CUL1: variants seen among roughly 807,000 people sequenced by gnomAD.
CUL1 encodes cullin 1, also known as cullin-1.
In CUL1, 24 loss-of-function variants were observed where a neutral mutation model predicts 118.0. That is an observed-to-expected ratio of 0.20 (90% CI 0.15 to 0.29). The LOEUF (loss-of-function observed/expected upper bound fraction) is 0.29. Among genes scored for constraint, CUL1 ranks in the 10% least tolerant of loss-of-function variants. CUL1 has a pLI of 1.00. For synonymous variants in CUL1, 332 were observed against 340.4 expected (o/e 0.98, Z 0.27); for missense variants, 361 against 933.8 (o/e 0.39, Z 7.99).
intron 11 of CUL1, among the ~76,000 whole-genome samples, chr7:148,785,503 C>T (rs893213523): frequency 1.3e-5 from 2 of 150,882 alleles, no homozygotes; most frequent in East Asian, 1.9e-4. Flanking sequence ...GGACTACAGG[C>T]GTGCCACCAC....
At chr7:148,795,486 G>A (rs906948406) in intron 17 of CUL1, among the ~76,000 whole-genome samples, 5 of 151,938 alleles carry the variant, frequency 3.3e-5, no homozygotes, top group African/African-American at 4.8e-5. Flanking sequence ...ACTAAGTACC[G>A]CAGGGTGTGG....
chr7:148,778,017 C>G (rs1204920899), intron 9 of CUL1, among the ~76,000 whole-genome samples: 3 of 136,198 alleles, frequency 2.2e-5, no homozygotes, highest in Admixed American at 1.6e-4. Flanking sequence ...GAGCCGAGAT[C>G]ATGCCACTGC....
chr7:148,782,272 G>A (rs1377113558), intron 9 of CUL1, among the ~76,000 whole-genome samples: 3 of 152,190 alleles, frequency 2.0e-5, no homozygotes, highest in Non-Finnish European at 4.4e-5. Context: ...AAAGAAGCAA[G>A]CTTATATGAA....
At chr7:148,765,177 G>T (rs1443694435) in intron 7 of CUL1, among the ~76,000 whole-genome samples, 1 of 152,148 alleles carries the variant, frequency 6.6e-6, no homozygotes. Flanking sequence ...GTGTAATAAG[G>T]TTCTGACTTA....
chr7:148,699,328 T>G (rs946114341), intron 1 of CUL1, among the ~76,000 whole-genome samples: 1 of 150,850 alleles, frequency 6.6e-6, no homozygotes, highest in African/African-American at 2.4e-5. Context: ...TCATCGCGCC[T>G]GGAGGCGGCG....
intron 2 of CUL1, among the ~76,000 whole-genome samples, chr7:148,741,757 A>C (rs900545528): frequency 6.6e-6 from 1 of 150,830 alleles, no homozygotes; most frequent in Non-Finnish European, 1.5e-5. Flanking sequence ...TGTTTGTAGT[A>C]GAGACAGGGT....
intron 20 of CUL1, 88 bp from the exon 21 acceptor site, chr7:148,799,187 G>A (rs997452263): frequency 2.1e-5 from 20 of 956,088 alleles, no homozygotes; most frequent in African/African-American, 3.2e-5. Context: ...CATAGGCGTC[G>A]GCAGCCTCTG....
At chr7:148,740,517 T>G (rs572650456) in intron 2 of CUL1, among the ~76,000 whole-genome samples, 1 of 152,384 alleles carries the variant, frequency 6.6e-6, no homozygotes, top group African/African-American at 2.4e-5. Flanking sequence ...TAGTTGTCAC[T>G]TCCTTCTTAC....
intron 16 of CUL1, among the ~76,000 whole-genome samples, chr7:148,790,823 T>A (rs1584821185): frequency 6.6e-6 from 1 of 152,220 alleles, no homozygotes; most frequent in East Asian, 1.9e-4. Context: ...ATATCAGCTC[T>A]CCACCTTACA....
intron 2 of CUL1, among the ~76,000 whole-genome samples, chr7:148,730,517 G>T (rs1798726857): frequency 6.6e-6 from 1 of 152,100 alleles, no homozygotes; most frequent in Non-Finnish European, 1.5e-5. Flanking sequence ...AGTTCCTTAG[G>T]CACACTAGCT....
intron 1 of CUL1, among the ~76,000 whole-genome samples, chr7:148,711,942 C>A (rs781611999): frequency 3.9e-5 from 6 of 152,284 alleles, no homozygotes; most frequent in Non-Finnish European, 5.9e-5. Context: ...GTGGACCTCA[C>A]GTGCACACCT....
rs992851677 is a variant in CUL1, at chr7:148,787,387, G to A, written c.1479+267G>A. ...TGAGGCAGGAGAATGGCATGAACCCGGGAGGCAGAGGTTGCGGTGAGCCGA... is the reference window on the plus strand; with the variant it reads ...TGAGGCAGGAGAATGGCATGAACCCAGGAGGCAGAGGTTGCGGTGAGCCGA... On this transcript the variant is annotated intron_variant, in intron 13 of 21. Coordinates refer to ENST00000325222, the MANE Select transcript of CUL1 (RefSeq NM_003592.3). The surrounding 1 kb of genome is among the most constrained non-coding windows in gnomAD (Gnocchi z 5.5). Among the ~76,000 whole-genome samples the A allele has an allele frequency of 2.7e-5, 4 of 150,914 alleles. No homozygotes were observed. The highest frequency in any genetic ancestry group is 6.6e-5 in the Admixed American group (1 of 15,158).
chr7:148,725,970 A>T (rs1798566754), intron 1 of CUL1, among the ~76,000 whole-genome samples: 1 of 152,250 alleles, frequency 6.6e-6, no homozygotes, highest in South Asian at 2.1e-4. Flanking sequence ...TAAATCACAT[A>T]GCAGCAGGAA....
intron 7 of CUL1, among the ~76,000 whole-genome samples, chr7:148,760,750 T>C (rs1416507122): frequency 1.3e-5 from 2 of 152,248 alleles, no homozygotes; most frequent in Non-Finnish European, 2.9e-5. Flanking sequence ...TTTTTTTAAC[T>C]GTTTATTGTA....
At chr7:148,783,038 C>T (rs1280953243) in intron 9 of CUL1, among the ~76,000 whole-genome samples, 1 of 152,208 alleles carries the variant, frequency 6.6e-6, no homozygotes, top group Non-Finnish European at 1.5e-5. Flanking sequence ...TGTGGGCTTT[C>T]GCGGTCTCAT....
intron 13 of CUL1, 68 bp from the exon 14 acceptor site, chr7:148,788,489 T>C: frequency 1.0e-6 from 1 of 981,198 alleles, no homozygotes; most frequent in Non-Finnish European, 1.6e-6. Flanking sequence ...CTGATTTCTC[T>C]AAGATTCCCT....
intron 1 of CUL1, among the ~76,000 whole-genome samples, chr7:148,708,506 G>A (rs1776616173): frequency 1.3e-5 from 2 of 152,244 alleles, no homozygotes; most frequent in South Asian, 4.1e-4. Context: ...GTGCGCTGCT[G>A]ATTGCTGCTT....
intron 9 of CUL1, among the ~76,000 whole-genome samples, chr7:148,779,794 G>T (rs1800553487): frequency 6.6e-6 from 1 of 152,214 alleles, no homozygotes; most frequent in East Asian, 1.9e-4. Flanking sequence ...TTGATCCTGG[G>T]TGTGTCTGTG....
chr7:148,772,436 A>C (rs543173640), intron 9 of CUL1, among the ~76,000 whole-genome samples: 6 of 150,898 alleles, frequency 4.0e-5, no homozygotes, highest in South Asian at 2.1e-4. Context: ...AAAAAAAAAA[A>C]CCCACACATT....
Sources: gnomAD v4.1 joint callset for allele counts (sites outside exome capture counted in the v4.1 genomes callset) on GRCh38, gnomAD v4.1.1 for gene constraint, Gnocchi (gnomAD v3.1) non-coding constraint, MANE v1.5 for transcripts, NCBI Gene and HGNC (gene_info 2026-07-23, HGNC 2026-07-21) for gene names.